The following SLC33A2 variants were observed in gnomAD, a reference collection of about 807,000 sequenced individuals.
The protein encoded by SLC33A2 is major facilitator superfamily domain containing 3.
chr8:144,510,820 C>A, the SLC33A2 span: 4 of 1,611,272 alleles, frequency 2.5e-6, no homozygotes, highest in Admixed American at 5.0e-5. Context: ...CCTATGTCTG[C>A]AGCACTTCTT....
chr8:144,511,051 C>T, the SLC33A2 span: 12 of 1,606,040 alleles, frequency 7.5e-6, 1 homozygote, highest in South Asian at 1.3e-4. Context: ...GCTGGGCACT[C>T]TGGCCGGAGG....
At chr8:144,510,214 T>G in the SLC33A2 span, 324 of 1,355,770 alleles carry the variant, frequency 2.4e-4, 1 homozygote, top group African/African-American at 9.4e-4. Context: ...CCCTGAGCGC[T>G]CTCTCGGGCT....
chr8:144,511,045 G>A, the SLC33A2 span: 3 of 1,605,242 alleles, frequency 1.9e-6, no homozygotes. Flanking sequence ...GCTGCTGCTG[G>A]GCACTCTGGC....
the SLC33A2 span, chr8:144,509,951 G>A: frequency 5.6e-6 from 9 of 1,594,250 alleles, no homozygotes; most frequent in East Asian, 1.1e-4. Context: ...CGCACCTTCT[G>A]CGGGACGTGC....
chr8:144,510,985 C>T, the SLC33A2 span: 581 of 1,600,216 alleles, frequency 3.6e-4, 3 homozygotes, highest in African/African-American at 6.9e-3. Context: ...CCCCCACCCC[C>T]CTCAGGCCAC....
the SLC33A2 span, chr8:144,510,896 CCCTGCAGGTGA>C: frequency 6.2e-7 from 1 of 1,605,648 alleles, no homozygotes; most frequent in African/African-American, 1.3e-5. Flanking sequence ...GCCCCCAGGG[CCCTGCAGGTGA>C]GTAGATGTAG....
chr8:144,509,673 A>T, the SLC33A2 span: 2 of 1,556,292 alleles, frequency 1.3e-6, no homozygotes, highest in Non-Finnish European at 1.7e-6. Flanking sequence ...GGGTGCCGCC[A>T]TGCAGGATGT....
chr8:144,509,921 C>G, the SLC33A2 span: 5 of 1,573,772 alleles, frequency 3.2e-6, no homozygotes, highest in Non-Finnish European at 3.4e-6. Flanking sequence ...AGCCCCCTTC[C>G]GAGCAGCGTC....
the SLC33A2 span, chr8:144,510,807 G>A: frequency 6.2e-7 from 1 of 1,611,564 alleles, no homozygotes; most frequent in South Asian, 1.1e-5. Flanking sequence ...CAGCCTTGCT[G>A]AGCCTATGTC....
At chr8:144,511,012 G>A in the SLC33A2 span, 1 of 1,602,022 alleles carries the variant, frequency 6.2e-7, no homozygotes, top group Non-Finnish European at 8.5e-7. Context: ...CAGCCTTCTG[G>A]CCACGCTGGA....
chr8:144,509,661 C>G, the SLC33A2 span: 26 of 1,551,916 alleles, frequency 1.7e-5, no homozygotes, highest in Non-Finnish European at 2.2e-5. Flanking sequence ...GTTGTTGAAC[C>G]TGGGTGCCGC....
chr8:144,510,321 A>C, the SLC33A2 span: 3 of 1,607,434 alleles, frequency 1.9e-6, no homozygotes, highest in South Asian at 3.3e-5. Flanking sequence ...GGGGGCAGAT[A>C]TGGAACCTCC....
the SLC33A2 span, chr8:144,509,207 ACT>A: frequency 3.3e-5 from 32 of 970,804 alleles, no homozygotes; most frequent in East Asian, 1.8e-4. Context: ...TACGACGCTG[ACT>A]CTGCCCGGTC....
chr8:144,509,787 G>T, the SLC33A2 span: 1 of 1,552,384 alleles, frequency 6.4e-7, no homozygotes, highest in South Asian at 1.2e-5. Context: ...GCTAGCTGGG[G>T]GCGCGCTGCT....
At chr8:144,511,123 C>T in the SLC33A2 span, 3 of 1,610,698 alleles carry the variant, frequency 1.9e-6, no homozygotes, top group Admixed American at 1.7e-5. Context: ...CTCTGCCTTT[C>T]CCGTTCTGTA....
At chr8:144,510,442 T>C in the SLC33A2 span, 1 of 1,612,896 alleles carries the variant, frequency 6.2e-7, no homozygotes, top group Non-Finnish European at 8.5e-7. Context: ...TGTGGAATGG[T>C]GTGGGTGCTG....
the SLC33A2 span, chr8:144,509,287 C>G: frequency 3.5e-6 from 5 of 1,421,450 alleles, no homozygotes; most frequent in African/African-American, 4.5e-5. Context: ...CTTGCGGGAC[C>G]CCACCTGGAA....
the SLC33A2 span, chr8:144,509,884 C>A: frequency 6.5e-7 from 1 of 1,546,760 alleles, no homozygotes. Flanking sequence ...GCCTGGGCTG[C>A]ACCAGCCCTG....
chr8:144,510,731 C>T, the SLC33A2 span: 3 of 1,596,844 alleles, frequency 1.9e-6, no homozygotes, highest in Admixed American at 1.7e-5. Flanking sequence ...AGGTGAGGGG[C>T]TGGCCTTGAG....
Sources: gnomAD v4.1 joint callset for allele counts on GRCh38, gnomAD v4.1.1 for gene constraint, MANE v1.5 for transcripts, NCBI Gene and HGNC (gene_info 2026-07-23, HGNC 2026-07-21) for gene names.